SIPA1L1: variants seen among roughly 807,000 people sequenced by gnomAD.
SIPA1L1 encodes signal-induced proliferation-associated 1-like protein 1.
In SIPA1L1, 26 loss-of-function variants were observed where a neutral mutation model predicts 162.7. The observed-to-expected ratio is 0.16, with a 90% CI of 0.12 to 0.22. The LOEUF is 0.22. Among genes scored for constraint, SIPA1L1 ranks in the 10% least tolerant of loss-of-function variants. SIPA1L1 has a pLI of 1.00. For missense variants in SIPA1L1, 1,874 were observed against 2,241.0 expected, an observed-to-expected ratio of 0.84 and a Z score of 3.31; for synonymous variants, 829 against 837.4, an observed-to-expected ratio of 0.99 and a Z score of 0.17.
intron 2 of SIPA1L1, among the ~76,000 whole-genome samples, chr14:71,340,647 A>G (rs2035552330): frequency 6.6e-6 from 1 of 152,176 alleles, no homozygotes; most frequent in Non-Finnish European, 1.5e-5. Flanking sequence ...GGTTTGCATA[A>G]GAGTTAATAC....
intron 2 of SIPA1L1, among the ~76,000 whole-genome samples, chr14:71,335,856 C>T (rs1265495986): frequency 6.6e-6 from 1 of 152,162 alleles, no homozygotes; most frequent in African/African-American, 2.4e-5. Flanking sequence ...GAAACTGAAC[C>T]ATAGGTACCC....
At chr14:71,486,152 TA>T (rs2048741260) in intron 2 of SIPA1L1, among the ~76,000 whole-genome samples, 1 of 152,240 alleles carries the variant, frequency 6.6e-6, no homozygotes, top group Admixed American at 6.5e-5. Flanking sequence ...TTTAATACCC[TA>T]AATGTATTTG....
chr14:71,692,478 G>A (rs908769653), intron 13 of SIPA1L1, among the ~76,000 whole-genome samples: 1 of 152,186 alleles, frequency 6.6e-6, no homozygotes, highest in Admixed American at 6.5e-5. Flanking sequence ...TAAAGTGACC[G>A]GACTCTGAAG....
chr14:71,559,251 A>G (rs2056598149), intron 4 of SIPA1L1, among the ~76,000 whole-genome samples: 1 of 151,944 alleles, frequency 6.6e-6, no homozygotes, highest in Non-Finnish European at 1.5e-5. Flanking sequence ...TATTTTTAGT[A>G]GAGAGGTGGT....
At chr14:71,591,166 T>C (rs972337996) in intron 5 of SIPA1L1, among the ~76,000 whole-genome samples, 1 of 152,292 alleles carries the variant, frequency 6.6e-6, no homozygotes, top group Non-Finnish European at 1.5e-5. Context: ...ATAATATTAT[T>C]ATAATAATGA....
intron 9 of SIPA1L1, among the ~76,000 whole-genome samples, chr14:71,658,647 T>G (rs1377783355): frequency 6.6e-6 from 1 of 152,234 alleles, no homozygotes; most frequent in Non-Finnish European, 1.5e-5. Context: ...GCTGGATGCC[T>G]TTGTGAATTA....
At position 71,419,963 on chromosome 14, in the gene SIPA1L1, A is replaced by G. The variant is rs1177383893; in HGVS notation, c.-464-92780A>G. Among the ~76,000 whole-genome samples the G allele has an allele frequency of 7.9e-5, 12 of 151,900 alleles. No homozygotes were observed. In the South Asian group the frequency reaches 1.2e-3, roughly 16 times the overall value. ...TTGAGCTTGGGAAGTTGAGGGTGCA[A>G]TGGGCCATGATCACACCACTGCACT... On this transcript the variant is annotated intron_variant, in intron 2 of 23. Transcript: ENST00000381232.
intron 4 of SIPA1L1, among the ~76,000 whole-genome samples, chr14:71,557,847 T>G (rs2056472980): frequency 6.6e-6 from 1 of 152,198 alleles, no homozygotes; most frequent in Non-Finnish European, 1.5e-5. Flanking sequence ...TATTTCTAAT[T>G]TGTACAAGTT....
At chr14:71,524,782 A>G (rs1303766694) in intron 3 of SIPA1L1, among the ~76,000 whole-genome samples, 2 of 151,686 alleles carry the variant, frequency 1.3e-5, no homozygotes, top group African/African-American at 2.4e-5. Context: ...TGTACGTCAC[A>G]CTCTGGTTGT....
At chr14:71,724,043 T>C (rs990463151) in intron 18 of SIPA1L1, among the ~76,000 whole-genome samples, 157 bp downstream of exon 18, 2 of 152,194 alleles carry the variant, frequency 1.3e-5, no homozygotes, top group Non-Finnish European at 2.9e-5. Flanking sequence ...CTAAGTAATA[T>C]TTTCTTAAAT....
At chr14:71,712,182 TAC>T (rs2082921705) in intron 17 of SIPA1L1, among the ~76,000 whole-genome samples, 2 of 152,332 alleles carry the variant, frequency 1.3e-5, no homozygotes, top group African/African-American at 4.8e-5. Context: ...AAGTCTAAAT[TAC>T]AGTGATTAAG....
chr14:71,508,747 G>C (rs997125761), intron 2 of SIPA1L1, among the ~76,000 whole-genome samples: 1 of 152,100 alleles, frequency 6.6e-6, no homozygotes, highest in African/African-American at 2.4e-5. Context: ...CATAGTCTTT[G>C]TTTTTTGTAT....
In SIPA1L1 at chr14:71,739,090, G is replaced by T. The variant is rs570631634; in HGVS notation, c.5281G>T (p.Glu1761Ter). 4 of 1,613,960 alleles carry T rather than the reference G, an allele frequency of 2.5e-6. No homozygotes were observed. The highest frequency in any genetic ancestry group is 1.7e-6 in the Non-Finnish European group (2 of 1,179,986). ...LREDNLRLQE[E>*]SQNASDKLKK... ...AGAGGACAACCTGAGGCTACAGGAGGAGTCCCAGAACGCCTCGGACAAGCT... is the reference window on the plus strand; with the variant it reads ...AGAGGACAACCTGAGGCTACAGGAGTAGTCCCAGAACGCCTCGGACAAGCT... The change falls in exon 24 of 24, where the codon GAG becomes TAG. Residue 1761 changes from glutamate to a stop codon, truncating the protein, a stop_gained. Transcript: ENST00000381232. LOFTEE classifies it high-confidence loss of function.
intron 20 of SIPA1L1, among the ~76,000 whole-genome samples, chr14:71,731,529 G>A (rs1362040600): frequency 2.0e-5 from 3 of 152,216 alleles, no homozygotes; most frequent in Non-Finnish European, 4.4e-5. Flanking sequence ...ATCGGGGTCA[G>A]TCTTCCGTGA....
chr14:71,594,343 T>G (rs1259764230), intron 5 of SIPA1L1, among the ~76,000 whole-genome samples: 3 of 152,242 alleles, frequency 2.0e-5, no homozygotes, highest in African/African-American at 7.2e-5. Context: ...TTTTAGTGGA[T>G]TATTTTTTAG....
At chr14:71,431,531 A>G (rs961522185) in intron 2 of SIPA1L1, among the ~76,000 whole-genome samples, 6 of 151,728 alleles carry the variant, frequency 4.0e-5, no homozygotes, top group African/African-American at 1.5e-4. Flanking sequence ...AGTCTCTACA[A>G]AAAAATACAA....
chr14:71,570,333 C>T (rs2031731249), intron 4 of SIPA1L1, among the ~76,000 whole-genome samples: 1 of 151,966 alleles, frequency 6.6e-6, no homozygotes, highest in Admixed American at 6.6e-5. Context: ...AGTGTAGTGG[C>T]ATGATCTCGG....
chr14:71,473,140 A>G (rs1301103744), intron 2 of SIPA1L1, among the ~76,000 whole-genome samples: 1 of 152,116 alleles, frequency 6.6e-6, no homozygotes, highest in South Asian at 2.1e-4. Flanking sequence ...GCTTCATAGA[A>G]TGACTAAGAG....
intron 2 of SIPA1L1, among the ~76,000 whole-genome samples, chr14:71,438,850 T>G (rs2044615204): frequency 6.6e-6 from 1 of 152,140 alleles, no homozygotes; most frequent in Non-Finnish European, 1.5e-5. Context: ...GCAGCTTACT[T>G]GCCTCCCTCT....
Sources: allele counts gnomAD v4.1 joint callset (sites outside exome capture counted in the v4.1 genomes callset), GRCh38; gene constraint gnomAD v4.1.1; transcripts MANE v1.5; gene names NCBI Gene and HGNC (gene_info 2026-07-23, HGNC 2026-07-21).